SSUH2: variants seen among roughly 807,000 people sequenced by gnomAD.
SSUH2 encodes ssu-2 homolog.
In SSUH2, 47 loss-of-function variants were observed where a neutral mutation model predicts 55.3. The observed-to-expected ratio is 0.85, with a 90% CI of 0.67 to 1.08. SSUH2 has a LOEUF of 1.08. Ranked by LOEUF, SSUH2 falls within the 50% of genes least tolerant of loss-of-function variation. The pLI, the probability that SSUH2 is intolerant of heterozygous loss-of-function variation, is 0.00. For missense variants in SSUH2, 535 were observed against 490.7 expected (o/e 1.09, Z -0.85); for synonymous variants, 212 against 191.5 (o/e 1.11, Z -0.89).
chr3:8,626,367 T>A (rs760786473), intron 8 of SSUH2, 46 bp from the exon 9 acceptor site: 1 of 1,524,924 alleles, frequency 6.6e-7, no homozygotes. Context: ...TTGCAGGTCC[T>A]GGTGGCTTCC....
At chr3:8,666,104 G>A (rs1301153211) in intron 5 of SSUH2, among the ~76,000 whole-genome samples, 2 of 152,190 alleles carry the variant, frequency 1.3e-5, no homozygotes, top group Non-Finnish European at 2.9e-5. Context: ...TCCTTATGGA[G>A]TTTCAAATGT....
chr3:8,621,116 A>G (rs1474651736), intron 11 of SSUH2, among the ~76,000 whole-genome samples: 1 of 152,148 alleles, frequency 6.6e-6, no homozygotes, highest in Non-Finnish European at 1.5e-5. Flanking sequence ...GTTGCTCCTG[A>G]TCATCTAAGC....
At chr3:8,635,580 A>G (rs1440610324) in intron 2 of SSUH2, among the ~76,000 whole-genome samples, 179 bp downstream of exon 2, 1 of 152,354 alleles carries the variant, frequency 6.6e-6, no homozygotes, top group African/African-American at 2.4e-5. Context: ...TGGACTGTTC[A>G]TAGACAGAAG....
intron 10 of SSUH2, among the ~76,000 whole-genome samples, chr3:8,624,772 G>A (rs1403884992): frequency 1.3e-5 from 2 of 152,152 alleles, no homozygotes; most frequent in Non-Finnish European, 2.9e-5. Flanking sequence ...GCAGGCAGTG[G>A]GCTGGGTGTG....
Position 8,678,400 on chromosome 3 carries a change from A to T in SSUH2, c.-900-1047T>A, listed in dbSNP as rs575783251. Among the ~76,000 whole-genome samples the T allele has an allele frequency of 6.2e-4, 94 of 152,154 alleles. 1 individual carries two copies. In the South Asian group the frequency reaches 6.4e-3, roughly 10 times the overall value. On this transcript the variant is annotated intron_variant, in intron 2 of 18. Transcript: ENST00000317371. ...CTCCCTTTCAGGATATTAATAACAA[A>T]TTCACAGGCTGGGTGAACAGCCTGC...
At chr3:8,639,133 CG>C (rs1297740372) in intron 1 of SSUH2, among the ~76,000 whole-genome samples, 2 of 152,186 alleles carry the variant, frequency 1.3e-5, no homozygotes, top group African/African-American at 4.8e-5. Context: ...CAGATCTTGA[CG>C]GGCTCAGCAG....
chr3:8,632,584 G>T (rs1699007940), intron 4 of SSUH2, among the ~76,000 whole-genome samples: 1 of 152,236 alleles, frequency 6.6e-6, no homozygotes. Context: ...TGGAGGCTCA[G>T]AGAGGTCAGC....
chr3:8,630,677 C>T, intron 6 of SSUH2, 128 bp downstream of exon 6: 2 of 866,198 alleles, frequency 2.3e-6, no homozygotes, highest in East Asian at 3.3e-5. Flanking sequence ...TATTTATAAC[C>T]AACAAATGAA....
chr3:8,653,808 G>A (rs1702668814), intron 7 of SSUH2, among the ~76,000 whole-genome samples: 1 of 152,152 alleles, frequency 6.6e-6, no homozygotes. Context: ...GTACCCGTGT[G>A]ACCAAAACTC....
chr3:8,648,017 T>A (rs780863217), upstream of SSUH2, among the ~76,000 whole-genome samples: 1 of 152,148 alleles, frequency 6.6e-6, no homozygotes, highest in Non-Finnish European at 1.5e-5. Context: ...AACTGGCATA[T>A]CCCTCCAGGC....
intron 3 of SSUH2, among the ~76,000 whole-genome samples, chr3:8,673,086 C>T (rs1309309775): frequency 6.6e-6 from 1 of 151,668 alleles, no homozygotes; most frequent in Non-Finnish European, 1.5e-5. Flanking sequence ...GAAATCATTG[C>T]TAATAGTGTT....
intron 5 of SSUH2, among the ~76,000 whole-genome samples, chr3:8,667,447 C>T (rs191866477): frequency 1.2e-4 from 19 of 152,228 alleles, no homozygotes; most frequent in East Asian, 3.9e-4. Context: ...GCTTCTTTAC[C>T]GCACTTTATT....
At chr3:8,650,976 T>C (rs1702331677) in intron 7 of SSUH2, among the ~76,000 whole-genome samples, 1 of 152,218 alleles carries the variant, frequency 6.6e-6, no homozygotes, top group Non-Finnish European at 1.5e-5. Flanking sequence ...GAGTGGCTCA[T>C]TTCCAGCAAA....
chr3:8,678,941 CCCTCCTGGCTCTTGGGACG>C (rs1468545755), intron 2 of SSUH2, among the ~76,000 whole-genome samples: 2 of 114,988 alleles, frequency 1.7e-5, no homozygotes, highest in Non-Finnish European at 2.0e-5. Context: ...GCCACTCTTC[CCCTCCTGGCTCTTGGGACG>C]CCCATCGCAG....
At chr3:8,668,536 A>G (rs1449315190) in intron 5 of SSUH2, among the ~76,000 whole-genome samples, 1 of 152,176 alleles carries the variant, frequency 6.6e-6, no homozygotes, top group Non-Finnish European at 1.5e-5. Flanking sequence ...AATTTCAACT[A>G]TGCTTCAAAG....
At chr3:8,669,772 T>C (rs534211628) in intron 5 of SSUH2, among the ~76,000 whole-genome samples, 1 of 152,062 alleles carries the variant, frequency 6.6e-6, no homozygotes, top group Non-Finnish European at 1.5e-5. Flanking sequence ...AAACCCAAAC[T>C]AAGGGACATT....
At chr3:8,633,305 G>A (rs956969735) in intron 4 of SSUH2, among the ~76,000 whole-genome samples, 17 of 152,032 alleles carry the variant, frequency 1.1e-4, no homozygotes, top group South Asian at 4.2e-4. Context: ...CACCACGCCC[G>A]GCTAATTTTT....
chr3:8,668,811 T>A (rs1336537475), intron 5 of SSUH2, among the ~76,000 whole-genome samples: 2 of 152,158 alleles, frequency 1.3e-5, no homozygotes, highest in African/African-American at 2.4e-5. Context: ...TTATTCTTTG[T>A]GATCGAAAAA....
rs1320241312 is a variant in SSUH2, at chr3:8,679,377, T to TC, written c.-901+327dup. Reference sequence around the variant, plus strand: ...ACCCCCATCGCATTGGCGGGAGGCATCCCCCAGGAGGAGGGGACTGAGAGC... The same window carrying TC: ...ACCCCCATCGCATTGGCGGGAGGCATCCCCCCAGGAGGAGGGGACTGAGAGC... On this transcript the variant is annotated intron_variant, in intron 2 of 18. Coordinates refer to the SSUH2 transcript ENST00000317371. Among the ~76,000 whole-genome samples the TC allele has an allele frequency of 1.6e-4, 9 of 57,600 alleles. 1 individual carries two copies. The Admixed American group carries it at 1.6e-3, about 11-fold the overall frequency. The allele number at this position is 57,600 out of a possible 152,430, so 37.8% of individuals were successfully genotyped here.
Sources: gnomAD v4.1 joint callset for allele counts (sites outside exome capture counted in the v4.1 genomes callset) on GRCh38, gnomAD v4.1.1 for gene constraint, MANE v1.5 for transcripts, NCBI Gene and HGNC (gene_info 2026-07-23, HGNC 2026-07-21) for gene names.